ANKRD30A: variants seen among roughly 807,000 people sequenced by gnomAD.
ANKRD30A encodes ankyrin repeat domain 30A.
In ANKRD30A, 170 loss-of-function variants were observed where a neutral mutation model predicts 166.3. That is an observed-to-expected ratio of 1.02 (90% CI 0.90 to 1.16). ANKRD30A has a LOEUF of 1.16. ANKRD30A is among the 50% of genes most tolerant of loss of function. ANKRD30A has a pLI of 0.00. For synonymous variants in ANKRD30A, 564 were observed against 508.9 expected (o/e 1.11, Z -1.46); for missense variants, 1,630 against 1,518.0 (o/e 1.07, Z -1.23).
intron 15 of ANKRD30A, 63 bp from the exon 16 acceptor site, chr10:37,162,586 T>C: frequency 6.3e-7 from 1 of 1,591,336 alleles, no homozygotes; most frequent in East Asian, 2.2e-5. Context: ...TATCACGGCA[T>C]TCATTTGTGG....
chr10:37,208,216 T>C (rs1054011467), intron 31 of ANKRD30A, among the ~76,000 whole-genome samples: 17 of 152,150 alleles, frequency 1.1e-4, no homozygotes, highest in African/African-American at 4.1e-4. Context: ...TAAGAGCTTT[T>C]CCTGAGACCC....
At chr10:37,171,791 C>G (rs1363119297) in intron 21 of ANKRD30A, among the ~76,000 whole-genome samples, 1 of 150,376 alleles carries the variant, frequency 6.6e-6, no homozygotes, top group Non-Finnish European at 1.5e-5. Flanking sequence ...TCTCATGGCA[C>G]TGTGCTCTCT....
intron 5 of ANKRD30A, 64 bp from the exon 6 acceptor site, chr10:37,136,543 G>T: frequency 2.8e-6 from 2 of 721,566 alleles, no homozygotes; most frequent in African/African-American, 1.9e-5. Context: ...AATAAATTTG[G>T]TAAATGTTTT....
At chr10:37,201,090 T>G in intron 30 of ANKRD30A, 145 bp from the exon 31 acceptor site, 1 of 513,660 alleles carries the variant, frequency 1.9e-6, no homozygotes, top group South Asian at 2.7e-5. Flanking sequence ...ATTAAAATGT[T>G]TTTTTTTATA....
intron 9 of ANKRD30A, among the ~76,000 whole-genome samples, chr10:37,149,433 G>C (rs1425836332): frequency 1.3e-5 from 2 of 152,012 alleles, no homozygotes. Context: ...TCGCTTTGAA[G>C]TCTTAACTGC....
intron 1 of ANKRD30A, 64 bp downstream of exon 1, chr10:37,126,072 T>A: frequency 2.7e-6 from 4 of 1,503,580 alleles, no homozygotes; most frequent in East Asian, 2.3e-5. Flanking sequence ...GATCGCCCCT[T>A]CAGAGTCGGG....
Position 37,153,603 on chromosome 10 carries a change from T to C in ANKRD30A, c.1739T>C (p.Val580Ala), listed in dbSNP as rs1401763433. 3 of 1,612,146 alleles carry C rather than the reference T, an allele frequency of 1.9e-6. No homozygotes were observed. The Admixed American group carries it at 5.0e-5, about 27-fold the overall frequency. Residue 580 changes from valine (V) to alanine (A), a missense_variant, in exon 13 of 36, where the codon GTG becomes GCG. Around this residue, in one of 4 missense-constraint regions of ANKRD30A, gnomAD observed 904 missense variants for 818.5 expected, o/e 1.10. Coordinates refer to ENST00000361713, the MANE Select transcript of ANKRD30A (RefSeq NM_052997.3). The stretch of plus-strand genomic sequence containing the variant: ...TGTGAGACTGTTTCACAGAAGGATG[T>C]GTGTTTACCCAAGGCTACACATCAA... ...SLCETVSQKD[V>A]CLPKATHQKE...
downstream of ANKRD30A, among the ~76,000 whole-genome samples, chr10:37,232,909 A>T (rs1196703391): frequency 4.9e-4 from 70 of 142,502 alleles, no homozygotes; most frequent in African/African-American, 1.6e-3. Flanking sequence ...AAAAAAAAAC[A>T]AAATAAATTA....
At chr10:37,193,982 G>A (rs528094808) in intron 27 of ANKRD30A, among the ~76,000 whole-genome samples, 174 of 152,240 alleles carry the variant, frequency 1.1e-3, no homozygotes, top group Middle Eastern at 3.4e-3. Flanking sequence ...ATAAGTTAAG[G>A]TCAGGAGTCC....
chr10:37,195,689 T>G lies in ANKRD30A; in HGVS notation c.2615-1592T>G, dbSNP rs1355807194. Among the ~76,000 whole-genome samples the G allele has an allele frequency of 2.6e-5, 4 of 152,284 alleles. No homozygotes were observed. In the East Asian group the frequency reaches 5.8e-4, roughly 22 times the overall value. ...ACTGACAGATCACTAGGTGAGGAGA[T>G]CGAGACCATCCTGACTAACACAGTG... On this transcript the variant is annotated intron_variant, in intron 27 of 35. Coordinates refer to ENST00000361713, the MANE Select transcript of ANKRD30A (RefSeq NM_052997.3).
At chr10:37,209,770 T>C (rs1227394110) in intron 31 of ANKRD30A, among the ~76,000 whole-genome samples, 1 of 152,140 alleles carries the variant, frequency 6.6e-6, no homozygotes, top group Non-Finnish European at 1.5e-5. Context: ...TATGACTTAA[T>C]CTTCTTTTAT....
chr10:37,191,761 A>C lies in ANKRD30A; in HGVS notation c.2513-1303A>C, dbSNP rs367833830. On this transcript the variant is annotated intron_variant, in intron 25 of 35. Coordinates refer to ENST00000361713, the MANE Select transcript of ANKRD30A (RefSeq NM_052997.3). ...CTGTAATCCCAGCACTTTGGGAGGC[A>C]AAGGTGGGTGGATCACGAGGTCAGG... Among the ~76,000 whole-genome samples the C allele has an allele frequency of 3.1e-3, 477 of 151,926 alleles. 3 individuals are homozygous for C. The highest frequency in any genetic ancestry group is 7.9e-3 in the African/African-American group (326 of 41,374).
chr10:37,132,311 A>C lies in ANKRD30A; in HGVS notation c.582A>C (p.Lys194Asn). The change falls in exon 4 of 36, where the codon AAA (lysine) becomes AAC (asparagine). Residue 194 changes from lysine to asparagine, a missense_variant. Lys to Asn is a moderately conservative substitution (Grantham distance 94). Coordinates refer to ENST00000361713, the MANE Select transcript of ANKRD30A (RefSeq NM_052997.3). ...AAATTGTGGAATTTTTGCTGATAAA[A>C]AATGCAAATGCGAATGCAGTTAATA... is the stretch of plus-strand genomic sequence containing the variant. ...SEQIVEFLLI[K>N]NANANAVNKY... The C allele has an allele frequency of 1.2e-6, 2 of 1,604,016 alleles. No homozygotes were observed. The highest frequency in any genetic ancestry group is 1.7e-6 in the Non-Finnish European group (2 of 1,175,118).
intron 30 of ANKRD30A, among the ~76,000 whole-genome samples, chr10:37,200,729 A>T (rs1157915725): frequency 6.6e-6 from 1 of 152,136 alleles, no homozygotes; most frequent in East Asian, 1.9e-4. Context: ...ATCAAAATAA[A>T]GCAGCTTTTT....
intron 3 of ANKRD30A, 137 bp downstream of exon 3, chr10:37,130,515 AT>A: frequency 1.7e-6 from 1 of 604,446 alleles, no homozygotes; most frequent in Non-Finnish European, 2.4e-6. Context: ...ATTGTCTAAG[AT>A]TTTACTTTAA....
intron 1 of ANKRD30A, among the ~76,000 whole-genome samples, chr10:37,126,395 A>C (rs1200660082): frequency 1.3e-5 from 2 of 152,270 alleles, no homozygotes; most frequent in African/African-American, 4.8e-5. Context: ...ATACATTATG[A>C]AATGGTGCGT....
At chr10:37,226,242 G>A (rs1405178711) in intron 34 of ANKRD30A, among the ~76,000 whole-genome samples, 1 of 146,208 alleles carries the variant, frequency 6.8e-6, no homozygotes, top group Non-Finnish European at 1.5e-5. Flanking sequence ...ATCTCCTAAT[G>A]CTATCCCTCC....
chr10:37,140,813 A>C (rs899606371), intron 6 of ANKRD30A, among the ~76,000 whole-genome samples: 3 of 152,202 alleles, frequency 2.0e-5, no homozygotes, highest in Non-Finnish European at 2.9e-5. Context: ...ATATGGGCAT[A>C]TCTTTATTAT....
At chr10:37,205,806 C>T (rs2132707057) in intron 31 of ANKRD30A, among the ~76,000 whole-genome samples, 1 of 152,296 alleles carries the variant, frequency 6.6e-6, no homozygotes, top group South Asian at 2.1e-4. Context: ...AGTGCACATT[C>T]TGATTCAGCA....
Sources: gnomAD v4.1 joint callset for allele counts (sites outside exome capture counted in the v4.1 genomes callset) on GRCh38, gnomAD v4.1.1 for gene constraint, gnomAD v4.1.1 regional missense constraint, MANE v1.5 for transcripts, NCBI Gene and HGNC (gene_info 2026-07-23, HGNC 2026-07-21) for gene names.